The following GRAMD1C variants were observed in gnomAD, a reference collection of about 807,000 sequenced individuals.
The protein encoded by GRAMD1C is GRAM domain containing 1C.
A neutral mutation model predicts 97.8 loss-of-function variants in GRAMD1C; 89 were observed. The observed-to-expected ratio is 0.91, with a 90% CI of 0.77 to 1.09. The LOEUF (loss-of-function observed/expected upper bound fraction) is 1.09. Ranked by LOEUF, GRAMD1C falls within the 50% of genes least tolerant of loss-of-function variation. The pLI is 0.00. For missense variants in GRAMD1C, 740 were observed against 766.4 expected (o/e 0.97, Z 0.41); for synonymous variants, 256 against 267.0 (o/e 0.96, Z 0.40).
chr3:113,881,838 T>G (rs947119412), intron 5 of GRAMD1C, among the ~76,000 whole-genome samples: 9 of 152,340 alleles, frequency 5.9e-5, no homozygotes, highest in African/African-American at 2.2e-4. Flanking sequence ...TATATCTTCT[T>G]TGTAAAAAGT....
intron 6 of GRAMD1C, 31 bp downstream of exon 6, chr3:113,882,863 T>C (rs376858503): frequency 4.3e-5 from 46 of 1,060,984 alleles, no homozygotes; most frequent in African/African-American, 3.7e-4. Flanking sequence ...CAGTTGCTTA[T>C]TATAAGAACC....
chr3:113,910,276 G>A (rs1163785169), intron 9 of GRAMD1C, among the ~76,000 whole-genome samples: 6 of 152,044 alleles, frequency 3.9e-5, no homozygotes, highest in Non-Finnish European at 5.9e-5. Context: ...CCAGCTACTC[G>A]GGAGGCTGAG....
rs574806817 is a variant in GRAMD1C at position 113,884,446 on chromosome 3, T to A, written c.540+1614T>A. ...ACAAAACATACCAAAACCTATGGGA[T>A]GCAGCTAAAGCAGTATTTAGAATGA... On this transcript the variant is annotated intron_variant, in intron 6 of 17. Transcript: ENST00000358160. Among the ~76,000 whole-genome samples the A allele has an allele frequency of 2.9e-3, 448 of 152,316 alleles. 1 individual carries two copies. Among genetic ancestry groups the A allele is most frequent in the Non-Finnish European group, 5.4e-3 (370 of 68,020 alleles).
intron 6 of GRAMD1C, among the ~76,000 whole-genome samples, chr3:113,894,634 G>A (rs181077450): frequency 1.3e-5 from 2 of 152,250 alleles, no homozygotes; most frequent in Admixed American, 6.5e-5. Context: ...GCACATGGGG[G>A]CTATGGGGAA....
intron 2 of GRAMD1C, among the ~76,000 whole-genome samples, chr3:113,860,955 G>A (rs557322040): frequency 4.3e-4 from 59 of 137,370 alleles, no homozygotes; most frequent in African/African-American, 1.1e-3. Flanking sequence ...CAACAAGAAC[G>A]AAACTCCAAC....
At chr3:113,854,238 G>C (rs1304159364) in intron 2 of GRAMD1C, among the ~76,000 whole-genome samples, 1 of 152,104 alleles carries the variant, frequency 6.6e-6, no homozygotes, top group African/African-American at 2.4e-5. Flanking sequence ...TTCGGGGAGA[G>C]ATTGGAGCCA....
intron 6 of GRAMD1C, among the ~76,000 whole-genome samples, chr3:113,886,334 C>T (rs536516542): frequency 6.6e-6 from 1 of 152,300 alleles, no homozygotes; most frequent in East Asian, 1.9e-4. Context: ...GCAGGACTGG[C>T]CAGAGTGACA....
Position 113,844,730 on chromosome 3 carries a change from A to G in GRAMD1C, c.174+81A>G. 3.1e-6 allele frequency: 3 copies of G among 980,024 alleles called. No homozygotes were observed. In the South Asian group the frequency reaches 5.0e-5, roughly 16 times the overall value. The allele number at this position is 980,024 out of a possible 1,614,324, so 60.7% of individuals were successfully genotyped here. A position where few individuals can be genotyped will look rare whatever the true frequency, so the allele number is the denominator to read the frequency against. ...CTGCAAGGAGTCATATAGTATTTGTAAAATTTCCTTCTTAGCTTCTAGATT... is the reference window on the plus strand; with the variant it reads ...CTGCAAGGAGTCATATAGTATTTGTGAAATTTCCTTCTTAGCTTCTAGATT... On this transcript the variant is annotated intron_variant, in intron 2 of 17. Transcript: ENST00000358160.
chr3:113,861,553 G>A (rs1471149445), intron 2 of GRAMD1C, among the ~76,000 whole-genome samples: 1 of 152,056 alleles, frequency 6.6e-6, no homozygotes, highest in East Asian at 1.9e-4. Context: ...GCTTCAAGGA[G>A]TTCATTAAGA....
chr3:113,940,775 G>A (rs1372954683), intron 17 of GRAMD1C, among the ~76,000 whole-genome samples: 4 of 152,144 alleles, frequency 2.6e-5, no homozygotes, highest in African/African-American at 7.2e-5. Flanking sequence ...TTCCATCTCA[G>A]TATATAAAGC....
At chr3:113,923,304 T>C (rs1937125310) in intron 10 of GRAMD1C, among the ~76,000 whole-genome samples, 1 of 152,208 alleles carries the variant, frequency 6.6e-6, no homozygotes, top group South Asian at 2.1e-4. Flanking sequence ...CAGTACTATG[T>C]TGAATAGAAG....
intron 1 of GRAMD1C, among the ~76,000 whole-genome samples, chr3:113,833,120 C>CTTTTTTTTTTTTTTTTTTTTTTTTTT (rs200062835): frequency 1.5e-5 from 2 of 129,474 alleles, no homozygotes; most frequent in African/African-American, 2.9e-5. Flanking sequence ...TTCTTTCTTT[C>CTTTTTTTTTTTTTTTTTTTTTTTTTT]TTTTTTTTTT....
chr3:113,938,265 C>T (rs754307791), intron 15 of GRAMD1C, 122 bp downstream of exon 15: 16 of 456,180 alleles, frequency 3.5e-5, no homozygotes, highest in Admixed American at 8.6e-5. Flanking sequence ...TGACTATTGC[C>T]GGCCTACAAA....
At chr3:113,928,519 G>A (rs1026405272) in intron 10 of GRAMD1C, among the ~76,000 whole-genome samples, 1 of 152,182 alleles carries the variant, frequency 6.6e-6, no homozygotes, top group African/African-American at 2.4e-5. Flanking sequence ...TAAGTGGACA[G>A]TTCAGTGGCA....
upstream of GRAMD1C, among the ~76,000 whole-genome samples, chr3:113,835,240 C>T (rs939902411): frequency 6.6e-6 from 1 of 152,192 alleles, no homozygotes; most frequent in Admixed American, 6.5e-5. Flanking sequence ...TACTGTTTTC[C>T]TAAAACATTA....
chr3:113,829,615 G>C (rs1051948906), intron 1 of GRAMD1C, among the ~76,000 whole-genome samples: 3 of 152,090 alleles, frequency 2.0e-5, no homozygotes, highest in African/African-American at 7.2e-5. Context: ...TAGTGCAAAG[G>C]CTTCCCATAA....
intron 4 of GRAMD1C, chr3:113,875,859 T>C (rs568400419): frequency 1.5e-5 from 6 of 399,544 alleles, no homozygotes; most frequent in Admixed American, 8.3e-5. Flanking sequence ...AAACCATGTC[T>C]TAAGTGACAG....
chr3:113,865,696 T>G (rs1934556777), intron 2 of GRAMD1C, among the ~76,000 whole-genome samples: 1 of 152,214 alleles, frequency 6.6e-6, no homozygotes, highest in African/African-American at 2.4e-5. Context: ...TCCTGGGACT[T>G]TGTTTACATG....
At chr3:113,903,067 C>A (rs1158673901) in intron 7 of GRAMD1C, among the ~76,000 whole-genome samples, 1 of 151,588 alleles carries the variant, frequency 6.6e-6, no homozygotes, top group African/African-American at 2.4e-5. Flanking sequence ...CGGGTTCAAG[C>A]GAGTCTTCTG....
Sources: allele counts gnomAD v4.1 joint callset (sites outside exome capture counted in the v4.1 genomes callset), GRCh38; gene constraint gnomAD v4.1.1; transcripts MANE v1.5; gene names NCBI Gene and HGNC (gene_info 2026-07-23, HGNC 2026-07-21).